The following H4C16 variants were observed in gnomAD, a reference collection of about 807,000 sequenced individuals.
The protein encoded by H4C16 is H4 histone 16.
At chr12:14,771,103 A>G in the H4C16 span, 10 of 1,568,030 alleles carry the variant, frequency 6.4e-6, no homozygotes, top group Non-Finnish European at 8.7e-6. Context: ...CACAGCGCCT[A>G]CTCAGCAGAA....
At chr12:14,771,090 A>T in the H4C16 span, 17 of 1,583,404 alleles carry the variant, frequency 1.1e-5, no homozygotes, top group Admixed American at 1.8e-5. Flanking sequence ...GACATTCTGA[A>T]ATCACAGCGC....
the H4C16 span, chr12:14,770,899 G>A: frequency 9.9e-6 from 16 of 1,614,190 alleles, no homozygotes; most frequent in East Asian, 1.1e-4. Context: ...CGTTCTCCAG[G>A]AAGACTTTGA....
the H4C16 span, chr12:14,770,767 G>T: frequency 6.2e-7 from 1 of 1,604,432 alleles, no homozygotes; most frequent in Non-Finnish European, 8.5e-7. Context: ...AAGCTGTGGG[G>T]ACAGCTCAAC....
At chr12:14,771,084 T>C in the H4C16 span, 1 of 1,586,694 alleles carries the variant, frequency 6.3e-7, no homozygotes, top group East Asian at 2.3e-5. Context: ...CGCCCAGACA[T>C]TCTGAAATCA....
the H4C16 span, chr12:14,770,841 C>T: frequency 1.9e-6 from 3 of 1,614,196 alleles, no homozygotes; most frequent in South Asian, 3.3e-5. Context: ...ATGGCCGTGA[C>T]GGTCTTGCGC....
chr12:14,770,807 C>T, the H4C16 span: 1 of 1,613,938 alleles, frequency 6.2e-7, no homozygotes, highest in Non-Finnish European at 8.5e-7. Context: ...GCGACCCTGG[C>T]GTTTCAGCGC....
At chr12:14,771,099 G>A in the H4C16 span, 56 of 1,570,400 alleles carry the variant, frequency 3.6e-5, no homozygotes, top group Admixed American at 8.0e-4. Flanking sequence ...AAATCACAGC[G>A]CCTACTCAGC....
chr12:14,770,828 T>A, the H4C16 span: 1 of 1,614,064 alleles, frequency 6.2e-7, no homozygotes, highest in Non-Finnish European at 8.5e-7. Flanking sequence ...GTACACCACA[T>A]CCATGGCCGT....
At chr12:14,771,078 C>G in the H4C16 span, 1 of 1,590,052 alleles carries the variant, frequency 6.3e-7, no homozygotes, top group African/African-American at 1.4e-5. Flanking sequence ...TTACCTCGCC[C>G]AGACATTCTG....
the H4C16 span, chr12:14,770,794 GGT>G: frequency 6.2e-7 from 1 of 1,613,440 alleles, no homozygotes; most frequent in Non-Finnish European, 8.5e-7. Context: ...AACCATAAAG[GGT>G]GCGACCCTGG....
chr12:14,770,847 T>G, the H4C16 span: 7 of 1,614,212 alleles, frequency 4.3e-6, no homozygotes. Context: ...GTGACGGTCT[T>G]GCGCTTGGCG....
chr12:14,771,096 A>G, the H4C16 span: 14 of 1,577,510 alleles, frequency 8.9e-6, no homozygotes, highest in East Asian at 2.3e-5. Flanking sequence ...CTGAAATCAC[A>G]GCGCCTACTC....
the H4C16 span, chr12:14,770,915 C>A: frequency 6.2e-7 from 1 of 1,614,222 alleles, no homozygotes; most frequent in Non-Finnish European, 8.5e-7. Flanking sequence ...TTTGAGGACT[C>A]CCCGGGTCTC....
the H4C16 span, chr12:14,771,033 G>A: frequency 3.7e-6 from 6 of 1,613,284 alleles, no homozygotes; most frequent in East Asian, 1.1e-4. Context: ...TTCCGGTGGC[G>A]CTTGGCGCCT....
At chr12:14,771,105 T>C in the H4C16 span, 4 of 1,567,436 alleles carry the variant, frequency 2.6e-6, no homozygotes, top group Non-Finnish European at 3.5e-6. Flanking sequence ...CAGCGCCTAC[T>C]CAGCAGAAAA....
chr12:14,770,749 C>T, the H4C16 span: 2 of 1,584,404 alleles, frequency 1.3e-6, no homozygotes, highest in South Asian at 1.2e-5. Flanking sequence ...CTTTTGGAGT[C>T]TGTAGAGAAG....
At chr12:14,771,058 C>T in the H4C16 span, 2 of 1,606,706 alleles carry the variant, frequency 1.2e-6, no homozygotes, top group Non-Finnish European at 1.7e-6. Context: ...TACCCAGCCC[C>T]TTGCCACCTT....
chr12:14,771,025 C>G, the H4C16 span: 2 of 1,613,692 alleles, frequency 1.2e-6, no homozygotes, highest in Non-Finnish European at 1.7e-6. Flanking sequence ...GCAGCACCTT[C>G]CGGTGGCGCT....
At chr12:14,770,777 C>G in the H4C16 span, 1 of 1,608,696 alleles carries the variant, frequency 6.2e-7, no homozygotes, top group African/African-American at 1.3e-5. Flanking sequence ...GACAGCTCAA[C>G]CGCCGAAACC....
Sources: allele counts gnomAD v4.1 joint callset, GRCh38; gene constraint gnomAD v4.1.1; transcripts MANE v1.5; gene names NCBI Gene and HGNC (gene_info 2026-07-23, HGNC 2026-07-21).